CENPP: variants seen among roughly 807,000 people sequenced by gnomAD.
CENPP encodes centromere protein P.
In CENPP, 24 loss-of-function variants were observed where a neutral mutation model predicts 35.6. The observed-to-expected ratio is 0.67, with a 90% CI of 0.49 to 0.95. The LOEUF (loss-of-function observed/expected upper bound fraction) is 0.95. Among genes scored for constraint, CENPP ranks in the 40% least tolerant of loss-of-function variants. The pLI, the probability that CENPP is intolerant of heterozygous loss-of-function variation, is 0.00. For missense variants in CENPP, 332 were observed against 345.3 expected (o/e 0.96, Z 0.31); for synonymous variants, 120 against 125.5 (o/e 0.96, Z 0.29).
chr9:92,602,782 C>T (rs1850957892), intron 5 of CENPP, among the ~76,000 whole-genome samples: 1 of 151,716 alleles, frequency 6.6e-6, no homozygotes, highest in South Asian at 2.1e-4. Flanking sequence ...GCGGCAGCTT[C>T]TCATTCTCCT....
intron 4 of CENPP, among the ~76,000 whole-genome samples, chr9:92,352,503 G>GTATATATATATATATATATATA (rs1554753073): frequency 2.9e-5 from 2 of 68,994 alleles, no homozygotes; most frequent in Admixed American, 1.4e-4. Flanking sequence ...GTGTGTGTGT[G>GTATATATATATATATATATATA]TGTATACATA....
intron 5 of CENPP, among the ~76,000 whole-genome samples, chr9:92,577,597 A>T (rs945728130): frequency 1.3e-5 from 2 of 152,090 alleles, no homozygotes; most frequent in Non-Finnish European, 2.9e-5. Context: ...TTTCTTGTTT[A>T]GGGGTGCATA....
chr9:92,366,345 A>G (rs918964238), intron 4 of CENPP, among the ~76,000 whole-genome samples: 3 of 152,236 alleles, frequency 2.0e-5, no homozygotes, highest in Non-Finnish European at 4.4e-5. Context: ...TCTTCTTTAT[A>G]ACATGAGATG....
intron 5 of CENPP, among the ~76,000 whole-genome samples, chr9:92,527,003 A>ATTATTTAT (rs554133945): frequency 1.3e-5 from 2 of 149,338 alleles, no homozygotes; most frequent in Admixed American, 6.7e-5. Flanking sequence ...AGATATGTTT[A>ATTATTTAT]TTATTTATTT....
At chr9:92,393,827 T>A (rs1302017811) in intron 5 of CENPP, among the ~76,000 whole-genome samples, 1 of 152,134 alleles carries the variant, frequency 6.6e-6, no homozygotes, top group Non-Finnish European at 1.5e-5. Flanking sequence ...GCATTTATTC[T>A]GCAGAATGCC....
At chr9:92,373,923 G>T (rs1468315760) in intron 4 of CENPP, among the ~76,000 whole-genome samples, 1 of 151,928 alleles carries the variant, frequency 6.6e-6, no homozygotes, top group Non-Finnish European at 1.5e-5. Flanking sequence ...TTCTTTGTAG[G>T]TGTCCTGTTT....
chr9:92,483,475 G>T (rs536290163), intron 5 of CENPP, among the ~76,000 whole-genome samples: 1 of 152,084 alleles, frequency 6.6e-6, no homozygotes, highest in Non-Finnish European at 1.5e-5. Context: ...TGATCTGCCC[G>T]CCTCGGCCTC....
intron 5 of CENPP, among the ~76,000 whole-genome samples, chr9:92,546,671 C>G (rs1367512049): frequency 1.3e-5 from 2 of 152,152 alleles, no homozygotes; most frequent in Admixed American, 6.5e-5. Context: ...GTAACACTCA[C>G]CGTGAGGGTC....
chr9:92,514,819 T>G lies in CENPP; in HGVS notation c.565-96495T>G, dbSNP rs780910350. On this transcript the variant is annotated intron_variant, in intron 5 of 7. Coordinates refer to ENST00000375587, the MANE Select transcript of CENPP (RefSeq NM_001012267.3). ...CATATCTCCTCTTACCGGGTCCTCC[T>G]CGTCCTCCTCATCCTCCTCACCCTC... 4 of 1,613,314 alleles carry G rather than the reference T, an allele frequency of 2.5e-6. No individual in the cohort carries two copies. The South Asian group carries it at 4.4e-5, about 18-fold the overall frequency.
intron 1 of CENPP, among the ~76,000 whole-genome samples, chr9:92,327,879 C>A (rs1479671815): frequency 1.2e-4 from 19 of 152,198 alleles, no homozygotes; most frequent in Admixed American, 1.2e-3. Context: ...CCTTGCCTGG[C>A]ATGGCCTTAG....
rs575853228 is a variant in CENPP, at chr9:92,517,536, A to G, written c.565-93778A>G. Reference sequence around the variant, plus strand: ...TATCCCCTACCATACATTTTCCCAGATATTTTCTATGTTAATCAGCATTTT... The same window carrying G: ...TATCCCCTACCATACATTTTCCCAGGTATTTTCTATGTTAATCAGCATTTT... On this transcript the variant is annotated intron_variant, in intron 5 of 7. Transcript: ENST00000375587. 35 of 1,029,498 alleles carry G rather than the reference A, an allele frequency of 3.4e-5. No homozygotes were observed. The East Asian group carries it at 7.9e-4, about 23-fold the overall frequency. The allele number at this position is 1,029,498 out of a possible 1,614,324, so 63.8% of individuals were successfully genotyped here.
In CENPP at chr9:92,363,998, A is replaced by G. The variant is rs532688770; in HGVS notation, c.468-15765A>G. Among the ~76,000 whole-genome samples the G allele has an allele frequency of 2.6e-5, 4 of 151,992 alleles. No individual in the cohort carries two copies. In the East Asian group the frequency reaches 5.8e-4, roughly 22 times the overall value. ...TGAATAGCTGGAACCACAGGCATGC[A>G]CCACCATGCCCAGCTAATTTTTTGT... On this transcript the variant is annotated intron_variant, in intron 4 of 7. Transcript: ENST00000375587.
intron 5 of CENPP, among the ~76,000 whole-genome samples, chr9:92,598,027 C>T (rs1310240233): frequency 6.6e-6 from 1 of 152,156 alleles, no homozygotes; most frequent in African/African-American, 2.4e-5. Context: ...TTTAGGATTC[C>T]CATATCCGTT....
In CENPP at chr9:92,591,781, A is replaced by G. The variant is rs576503223; in HGVS notation, c.565-19533A>G. ...ACAGAGCTTCCAGATTAAAAAAAGA[A>G]AAAGCATTTTCCAAAGTGGAAGGGT... On this transcript the variant is annotated intron_variant, in intron 5 of 7. Transcript: ENST00000375587. Among the ~76,000 whole-genome samples, 20 of 152,286 alleles carry G rather than the reference A, an allele frequency of 1.3e-4. No individual in the cohort carries two copies. In the South Asian group the frequency reaches 4.1e-3, roughly 32 times the overall value.
intron 5 of CENPP, among the ~76,000 whole-genome samples, chr9:92,502,115 A>C (rs1221449087): frequency 6.6e-6 from 1 of 152,190 alleles, no homozygotes; most frequent in Admixed American, 6.5e-5. Flanking sequence ...GTGCAGGGGA[A>C]TAATCCTTCA....
At chr9:92,576,585 G>A (rs1221435124) in intron 5 of CENPP, among the ~76,000 whole-genome samples, 2 of 151,678 alleles carry the variant, frequency 1.3e-5, no homozygotes, top group Non-Finnish European at 2.9e-5. Flanking sequence ...ATTTATTATG[G>A]GATATGTATA....
At chr9:92,595,861 C>T (rs999176791) in intron 5 of CENPP, among the ~76,000 whole-genome samples, 3 of 152,134 alleles carry the variant, frequency 2.0e-5, no homozygotes, top group Non-Finnish European at 2.9e-5. Context: ...CGCACCCAGC[C>T]TATTTCCTTC....
chr9:92,566,261 T>C (rs1006513216), intron 5 of CENPP, among the ~76,000 whole-genome samples: 1 of 151,214 alleles, frequency 6.6e-6, no homozygotes, highest in Non-Finnish European at 1.5e-5. Flanking sequence ...GATTGCGCCA[T>C]TGCACTCCAG....
intron 4 of CENPP, among the ~76,000 whole-genome samples, chr9:92,366,955 C>G (rs879507065): frequency 3.0e-4 from 46 of 152,228 alleles, no homozygotes; most frequent in South Asian, 2.1e-4. Context: ...ACCTGACTTG[C>G]GTTTGCAGTC....
Sources: allele counts gnomAD v4.1 joint callset (sites outside exome capture counted in the v4.1 genomes callset), GRCh38; gene constraint gnomAD v4.1.1; transcripts MANE v1.5; gene names NCBI Gene and HGNC (gene_info 2026-07-23, HGNC 2026-07-21).